The following PTPRM variants were observed in gnomAD, a reference collection of about 807,000 sequenced individuals.
PTPRM encodes the protein protein tyrosine phosphatase receptor type M.
Under a neutral mutation model 186.7 loss-of-function variants are expected in PTPRM, and 47 were observed. The ratio of observed to expected loss-of-function variants is 0.25; its 90% CI spans 0.20 to 0.32. PTPRM has a LOEUF of 0.32. PTPRM is among the 10% of genes least tolerant of loss of function. The pLI, the probability that PTPRM is intolerant of heterozygous loss-of-function variation, is 1.00. For missense variants in PTPRM, 1,494 were observed against 1,865.0 expected, an observed-to-expected ratio of 0.80 and a Z score of 3.66; for synonymous variants, 668 against 674.9, an observed-to-expected ratio of 0.99 and a Z score of 0.16.
chr18:8,252,637 G>C, intron 18 of PTPRM, 138 bp downstream of exon 18: 1 of 814,134 alleles, frequency 1.2e-6, no homozygotes, highest in East Asian at 2.5e-5. Context: ...TTCCATGTGT[G>C]ATGTGTTGGT....
At chr18:7,600,151 G>A (rs773033263) in intron 1 of PTPRM, among the ~76,000 whole-genome samples, 5 of 152,150 alleles carry the variant, frequency 3.3e-5, no homozygotes, top group Non-Finnish European at 5.9e-5. Context: ...TTTGCTGAAG[G>A]GTAAGTTATT....
At chr18:7,694,627 A>G (rs1032641142) in intron 1 of PTPRM, among the ~76,000 whole-genome samples, 1 of 152,006 alleles carries the variant, frequency 6.6e-6, no homozygotes, top group East Asian at 1.9e-4. Flanking sequence ...GAGTTTCACC[A>G]GGTTGTCCAG....
intron 11 of PTPRM, 109 bp from the exon 12 acceptor site, chr18:8,113,377 G>A (rs928830976): frequency 3.7e-5 from 37 of 986,840 alleles, no homozygotes; most frequent in African/African-American, 3.2e-4. Flanking sequence ...TATGGACTGC[G>A]TCCAGTGTGT....
intron 14 of PTPRM, among the ~76,000 whole-genome samples, chr18:8,158,759 A>T (rs1347382497): frequency 6.6e-6 from 1 of 152,194 alleles, no homozygotes; most frequent in Non-Finnish European, 1.5e-5. Context: ...ATCATGGAGG[A>T]AGGCAAAGCA....
intron 1 of PTPRM, among the ~76,000 whole-genome samples, chr18:7,597,602 T>C (rs2037298336): frequency 1.3e-5 from 2 of 152,304 alleles, no homozygotes; most frequent in African/African-American, 4.8e-5. Flanking sequence ...TTTTTGCTAA[T>C]AAAGTTTCCG....
chr18:8,035,367 G>C (rs1166725343), intron 7 of PTPRM, among the ~76,000 whole-genome samples: 1 of 152,002 alleles, frequency 6.6e-6, no homozygotes, highest in East Asian at 1.9e-4. Flanking sequence ...GTATCCAGGG[G>C]GGATTAGTTC....
At chr18:8,068,616 A>C (rs2148428523) in intron 7 of PTPRM, among the ~76,000 whole-genome samples, 1 of 152,362 alleles carries the variant, frequency 6.6e-6, no homozygotes, top group South Asian at 2.1e-4. Flanking sequence ...ATGAACAGGC[A>C]AGAATTACTT....
intron 7 of PTPRM, among the ~76,000 whole-genome samples, chr18:8,020,384 T>A (rs955751184): frequency 2.6e-5 from 4 of 152,164 alleles, no homozygotes; most frequent in Non-Finnish European, 5.9e-5. Flanking sequence ...CTACACTGTG[T>A]CTGAAGGATA....
chr18:8,014,060 C>G (rs902938117), intron 7 of PTPRM, among the ~76,000 whole-genome samples: 28 of 152,002 alleles, frequency 1.8e-4, no homozygotes, highest in Non-Finnish European at 2.8e-4. Context: ...CCAGTTTTTT[C>G]TCTCTTTTTT....
chr18:8,065,624 G>T (rs534231916), intron 7 of PTPRM, among the ~76,000 whole-genome samples: 1 of 152,156 alleles, frequency 6.6e-6, no homozygotes, highest in Non-Finnish European at 1.5e-5. Context: ...TGTGGCCAGA[G>T]GGTGTGAGTG....
chr18:8,353,493 G>A (rs1435817309), intron 23 of PTPRM, among the ~76,000 whole-genome samples: 2 of 152,160 alleles, frequency 1.3e-5, no homozygotes, highest in African/African-American at 4.8e-5. Flanking sequence ...AGAGGTGTTG[G>A]GAGCTTATGA....
Position 8,296,238 on chromosome 18 carries a change from C to A in PTPRM, c.2755-130C>A, listed in dbSNP as rs564121269. The stretch of plus-strand genomic sequence containing the variant: ...AAATATAAATGTAGTGTAATAATCC[C>A]TTGTCTCATTTCTGTCGGCATTCTT... On this transcript the variant is annotated intron_variant, in intron 19 of 32. Coordinates refer to ENST00000580170, the MANE Select transcript of PTPRM (RefSeq NM_001105244.2). The A allele has an allele frequency of 6.4e-6, 4 of 629,460 alleles. No homozygotes were observed. The East Asian group carries it at 1.1e-4, about 17-fold the overall frequency. 39.0% of individuals were successfully genotyped at this position (629,460 alleles called of 1,614,324 possible).
intron 2 of PTPRM, among the ~76,000 whole-genome samples, chr18:7,851,901 A>C (rs2046879409): frequency 6.6e-6 from 1 of 152,182 alleles, no homozygotes; most frequent in South Asian, 2.1e-4. Flanking sequence ...AGAAAAAGAG[A>C]ATGGGGTTAG....
intron 1 of PTPRM, among the ~76,000 whole-genome samples, chr18:7,691,713 A>G (rs1325907110): frequency 1.3e-5 from 2 of 152,090 alleles, no homozygotes; most frequent in Non-Finnish European, 2.9e-5. Flanking sequence ...CCAGGAGTTC[A>G]AGACTGGCCT....
chr18:8,045,643 AGTTAT>A (rs2148209122), intron 7 of PTPRM, among the ~76,000 whole-genome samples: 1 of 152,294 alleles, frequency 6.6e-6, no homozygotes, highest in South Asian at 2.1e-4. Flanking sequence ...GAGGTAGATT[AGTTAT>A]TGCAAGGGCA....
intron 7 of PTPRM, among the ~76,000 whole-genome samples, chr18:8,005,950 C>T (rs1185365692): frequency 6.6e-6 from 1 of 152,198 alleles, no homozygotes; most frequent in African/African-American, 2.4e-5. Context: ...ATCACAGAGG[C>T]TCTGTGGAGC....
At chr18:8,219,260 G>C (rs548304840) in intron 14 of PTPRM, among the ~76,000 whole-genome samples, 1 of 152,156 alleles carries the variant, frequency 6.6e-6, no homozygotes, top group African/African-American at 2.4e-5. Context: ...GAGGTCAGGC[G>C]ATCGAGACCA....
intron 23 of PTPRM, among the ~76,000 whole-genome samples, chr18:8,347,353 G>C (rs1316057635): frequency 2.0e-5 from 3 of 152,206 alleles, no homozygotes; most frequent in Non-Finnish European, 2.9e-5. Flanking sequence ...TGGCTTAAAA[G>C]GTTAAGCTGA....
chr18:7,826,221 C>T (rs2045477174), intron 2 of PTPRM, among the ~76,000 whole-genome samples: 1 of 152,236 alleles, frequency 6.6e-6, no homozygotes, highest in African/African-American at 2.4e-5. Flanking sequence ...CCTAGCACAT[C>T]TTCATCTCCA....
Sources: allele counts gnomAD v4.1 joint callset (sites outside exome capture counted in the v4.1 genomes callset), GRCh38; gene constraint gnomAD v4.1.1; transcripts MANE v1.5; gene names NCBI Gene and HGNC (gene_info 2026-07-23, HGNC 2026-07-21).